UGGT2: variants seen among roughly 807,000 people sequenced by gnomAD.
The protein encoded by UGGT2 is UDP-glucose glycoprotein glucosyltransferase 2.
Under a neutral mutation model 192.1 loss-of-function variants are expected in UGGT2, and 180 were observed. The observed-to-expected ratio is 0.94, with a 90% CI of 0.83 to 1.06. The LOEUF is 1.06. Among genes scored for constraint, UGGT2 ranks in the 50% least tolerant of loss-of-function variants. The pLI is 0.00. For synonymous variants in UGGT2, 580 were observed against 591.0 expected, an observed-to-expected ratio of 0.98 and a Z score of 0.27; for missense variants, 1,849 against 1,795.7, an observed-to-expected ratio of 1.03 and a Z score of -0.54.
chr13:95,838,957 C>A (rs965634106), intron 36 of UGGT2, among the ~76,000 whole-genome samples: 3 of 152,124 alleles, frequency 2.0e-5, no homozygotes, highest in African/African-American at 7.2e-5. Flanking sequence ...GATTTTACCA[C>A]TATTTCACTG....
chr13:95,863,761 T>C (rs760853560), intron 30 of UGGT2, 47 bp from the exon 31 acceptor site: 35 of 1,441,316 alleles, frequency 2.4e-5, no homozygotes, highest in Middle Eastern at 3.5e-4. Flanking sequence ...CTTTAAATAT[T>C]GTGCTGTATG....
At chr13:96,033,327 G>A (rs1479621101) in intron 1 of UGGT2, among the ~76,000 whole-genome samples, 2 of 152,218 alleles carry the variant, frequency 1.3e-5, no homozygotes, top group Non-Finnish European at 2.9e-5. Context: ...GGCCAGGGTT[G>A]TGTACTCCAC....
intron 9 of UGGT2, 90 bp from the exon 10 acceptor site, chr13:95,983,954 GA>G: frequency 1.2e-6 from 1 of 842,168 alleles, no homozygotes; most frequent in South Asian, 3.1e-5. Flanking sequence ...CTTTGGATAA[GA>G]AGCTAAAAAC....
intron 26 of UGGT2, among the ~76,000 whole-genome samples, chr13:95,886,868 C>A (rs1410598127): frequency 6.6e-6 from 1 of 151,958 alleles, no homozygotes; most frequent in Non-Finnish European, 1.5e-5. Flanking sequence ...CATGGCAAGA[C>A]CCCGTCTCTA....
chr13:95,934,213 T>C (rs1260279700), intron 17 of UGGT2, among the ~76,000 whole-genome samples: 1 of 152,226 alleles, frequency 6.6e-6, no homozygotes, highest in Non-Finnish European at 1.5e-5. Flanking sequence ...TTTATTCTAC[T>C]GTGGTCCATG....
chr13:95,805,625 T>C (rs1398217738), intron 38 of UGGT2, among the ~76,000 whole-genome samples: 1 of 148,648 alleles, frequency 6.7e-6, no homozygotes, highest in Admixed American at 6.6e-5. Flanking sequence ...TTCTGTCACA[T>C]GTTACAACAT....
intron 17 of UGGT2, among the ~76,000 whole-genome samples, chr13:95,935,859 C>G (rs2049445170): frequency 6.6e-6 from 1 of 152,174 alleles, no homozygotes; most frequent in Non-Finnish European, 1.5e-5. Flanking sequence ...CAGGGTCTCG[C>G]TCTGTCATCC....
At chr13:95,934,924 GT>G (rs1566723952) in intron 17 of UGGT2, among the ~76,000 whole-genome samples, 3 of 152,156 alleles carry the variant, frequency 2.0e-5, no homozygotes, top group Non-Finnish European at 4.4e-5. Context: ...GGAAGTATTT[GT>G]TTTACGAATC....
intron 2 of UGGT2, among the ~76,000 whole-genome samples, chr13:96,031,355 G>C (rs1741804555): frequency 6.6e-6 from 1 of 152,106 alleles, no homozygotes; most frequent in African/African-American, 2.4e-5. Flanking sequence ...TCTCTCTGTC[G>C]CTCAGGCTGG....
intron 12 of UGGT2, among the ~76,000 whole-genome samples, chr13:95,966,456 TTAGA>T (rs1445550039): frequency 1.3e-5 from 2 of 152,172 alleles, no homozygotes; most frequent in African/African-American, 2.4e-5. Flanking sequence ...ATCTATACAG[TTAGA>T]TAGAAGGTAT....
chr13:96,014,465 A>G (rs1208650531), intron 4 of UGGT2, among the ~76,000 whole-genome samples: 2 of 152,220 alleles, frequency 1.3e-5, no homozygotes, highest in African/African-American at 2.4e-5. Context: ...TCAAGCATTC[A>G]ATCTTATTGA....
At chr13:96,000,849 C>T (rs2051776614) in intron 5 of UGGT2, among the ~76,000 whole-genome samples, 1 of 142,304 alleles carries the variant, frequency 7.0e-6, no homozygotes, top group Non-Finnish European at 1.6e-5. Flanking sequence ...AACCAAACTA[C>T]CAAATCAACA....
intron 15 of UGGT2, among the ~76,000 whole-genome samples, chr13:95,945,222 T>A (rs2049824618): frequency 6.6e-6 from 1 of 152,106 alleles, no homozygotes; most frequent in African/African-American, 2.4e-5. Flanking sequence ...TGGTCTTATA[T>A]TCTTCTCTCT....
chr13:95,995,843 T>C, intron 7 of UGGT2: 1 of 511,630 alleles, frequency 2.0e-6, no homozygotes, highest in Non-Finnish European at 3.5e-6. Context: ...TCTTTAATTG[T>C]GAAATTAGTG....
chr13:95,986,227 CTAG>C, intron 9 of UGGT2, 103 bp downstream of exon 9: 1 of 773,692 alleles, frequency 1.3e-6, no homozygotes, highest in Non-Finnish European at 2.1e-6. Flanking sequence ...GCTATATATA[CTAG>C]AACTAATTGA....
chr13:95,890,996 C>A (rs369356120), intron 24 of UGGT2, 32 bp from the exon 25 acceptor site: 1 of 1,485,960 alleles, frequency 6.7e-7, no homozygotes, highest in East Asian at 2.3e-5. Context: ...TGAAAGATGA[C>A]GTGTTAAGTT....
At chr13:95,916,170 C>T (rs534567828) in intron 20 of UGGT2, among the ~76,000 whole-genome samples, 4 of 152,248 alleles carry the variant, frequency 2.6e-5, no homozygotes, top group African/African-American at 7.2e-5. Context: ...AGGTCTGTAC[C>T]CCCCTAGGAC....
At chr13:95,876,385 CTGGGGTAGGCCTGGTGG>C (rs1301257755) in intron 29 of UGGT2, among the ~76,000 whole-genome samples, 2 of 152,120 alleles carry the variant, frequency 1.3e-5, no homozygotes, top group Admixed American at 1.3e-4. Flanking sequence ...CCTGGGGCTT[CTGGGGTAGGCCTGGTGG>C]TGGGGTAGGC....
At chr13:96,025,646 T>C (rs1487712645) in intron 2 of UGGT2, among the ~76,000 whole-genome samples, 1 of 152,292 alleles carries the variant, frequency 6.6e-6, no homozygotes, top group Non-Finnish European at 1.5e-5. Flanking sequence ...AAGAGTCTTA[T>C]GTTGTCCATC....
Sources: gnomAD v4.1 joint callset for allele counts (sites outside exome capture counted in the v4.1 genomes callset) on GRCh38, gnomAD v4.1.1 for gene constraint, MANE v1.5 for transcripts, NCBI Gene and HGNC (gene_info 2026-07-23, HGNC 2026-07-21) for gene names.